Variants in SLC16A7 observed in about 807,000 individuals in gnomAD.
SLC16A7 encodes monocarboxylate transporter 2.
Under a neutral mutation model 34.9 loss-of-function variants are expected in SLC16A7, and 33 were observed. The observed-to-expected ratio is 0.94, with a 90% CI of 0.72 to 1.26. SLC16A7 has a LOEUF of 1.26. Ranked by LOEUF, SLC16A7 falls within the 50% of genes most tolerant of loss-of-function variation. The pLI is 0.00. For missense variants in SLC16A7, 573 were observed against 578.1 expected, an observed-to-expected ratio of 0.99 and a Z score of 0.09; for synonymous variants, 201 against 206.6, an observed-to-expected ratio of 0.97 and a Z score of 0.23.
At chr12:59,688,798 G>A (rs1164869075) in intron 2 of SLC16A7, among the ~76,000 whole-genome samples, 1 of 151,946 alleles carries the variant, frequency 6.6e-6, no homozygotes, top group East Asian at 1.9e-4. Context: ...CAGTTTCATT[G>A]TGTTTCCTTA....
At chr12:59,766,060 G>A (rs570009886) in intron 3 of SLC16A7, among the ~76,000 whole-genome samples, 10 of 152,260 alleles carry the variant, frequency 6.6e-5, no homozygotes, top group Non-Finnish European at 1.3e-4. Flanking sequence ...TCCCTTGTAA[G>A]TTGGATTCCT....
chr12:59,745,269 A>G (rs1333068620), intron 3 of SLC16A7, among the ~76,000 whole-genome samples: 5 of 152,210 alleles, frequency 3.3e-5, no homozygotes, highest in Non-Finnish European at 7.3e-5. Context: ...CTCGCATTTT[A>G]TTCACTCAAA....
chr12:59,751,276 G>A (rs1194726538), intron 3 of SLC16A7, among the ~76,000 whole-genome samples: 7 of 152,368 alleles, frequency 4.6e-5, no homozygotes, highest in South Asian at 2.1e-4. Context: ...GCAGCGCACC[G>A]TGTGCGAGCC....
rs1357729998 is a variant in SLC16A7 at position 59,761,214 on chromosome 12, T to C, written c.218-10005T>C. ...AGGATCATGCCTAGGTACATGAAAC[T>C]GTATTGTTAAATACTTGGTTGATAA... On this transcript the variant is annotated intron_variant, in intron 3 of 5. Transcript: ENST00000547379. 1.1e-5 allele frequency: 13 copies of C among 1,133,340 alleles called. 1 individual carries two copies. Among genetic ancestry groups the C allele is most frequent in the Non-Finnish European group, 1.5e-5 (13 of 849,370 alleles). The allele number at this position is 1,133,340 out of a possible 1,614,324, so 70.2% of individuals were successfully genotyped here. A position where few individuals can be genotyped will look rare whatever the true frequency, so the allele number is the denominator to read the frequency against.
chr12:59,757,093 C>T (rs1880447959), intron 3 of SLC16A7, among the ~76,000 whole-genome samples: 1 of 118,470 alleles, frequency 8.4e-6, no homozygotes, highest in Non-Finnish European at 1.6e-5. Flanking sequence ...ACATCACACT[C>T]TGGGGACTGT....
rs114431871 is a variant in SLC16A7, at chr12:59,729,361, T to G, written c.217+24343T>G. ...CATCTCCTTTTGACTTCATGCTTCA[T>G]GTAAATCTTCCGGGACAAAAGTAGA... is the stretch of plus-strand genomic sequence containing the variant. On this transcript the variant is annotated intron_variant, in intron 3 of 5. Transcript: ENST00000547379. 7.1e-3 allele frequency among the ~76,000 whole-genome samples: 1,088 copies of G among 152,364 alleles called. 18 individuals carry two copies. Among genetic ancestry groups the G allele is most frequent in the African/African-American group, 0.022 (903 of 41,588 alleles).
At position 59,712,906 on chromosome 12, in the gene SLC16A7, G is replaced by GGT. The variant is rs544382526; in HGVS notation, c.217+7889_217+7890dup. On this transcript the variant is annotated intron_variant, in intron 3 of 5. Coordinates refer to ENST00000547379, the MANE Select transcript of SLC16A7 (RefSeq NM_001270623.2). Reference sequence around the variant, plus strand: ...ACTAGGATATATGATAGATACATGTGGTTAAGTTCCCCAAAGGTCCTAGTG... The same window carrying GGT: ...ACTAGGATATATGATAGATACATGTGGTGTTAAGTTCCCCAAAGGTCCTAGTG... Among the ~76,000 whole-genome samples, 212 of 152,226 alleles carry GGT rather than the reference G, an allele frequency of 1.4e-3. 1 individual carries two copies. Among genetic ancestry groups the GGT allele is most frequent in the Middle Eastern group, 6.8e-3 (2 of 294 alleles).
At chr12:59,773,711 T>C (rs950784537) in intron 4 of SLC16A7, among the ~76,000 whole-genome samples, 1 of 152,056 alleles carries the variant, frequency 6.6e-6, no homozygotes, top group Non-Finnish European at 1.5e-5. Context: ...ATTACAGGCA[T>C]GTGCCACCAC....
chr12:59,711,853 A>G (rs566305512), intron 3 of SLC16A7, among the ~76,000 whole-genome samples: 46 of 152,298 alleles, frequency 3.0e-4, no homozygotes, highest in African/African-American at 1.1e-3. Flanking sequence ...GAACATAGAT[A>G]TGGAAGGTAC....
At chr12:59,727,682 G>A (rs2711681) in intron 3 of SLC16A7, among the ~76,000 whole-genome samples, 6,829 of 152,160 alleles carry the variant, frequency 0.045, 492 homozygotes, top group African/African-American at 0.16. Context: ...TGAAGTAATA[G>A]CATTTGCATA....
At chr12:59,729,047 G>T (rs1289754363) in intron 3 of SLC16A7, among the ~76,000 whole-genome samples, 1 of 152,064 alleles carries the variant, frequency 6.6e-6, no homozygotes, top group African/African-American at 2.4e-5. Context: ...TTCACTTCAG[G>T]TTATTAGTGG....
At chr12:59,650,350 A>G (rs958831969) in intron 1 of SLC16A7, among the ~76,000 whole-genome samples, 2 of 152,154 alleles carry the variant, frequency 1.3e-5, no homozygotes, top group Non-Finnish European at 1.5e-5. Context: ...TAGTCCAGAC[A>G]CCTATTTATG....
chr12:59,778,669 G>GT (rs1269819423), intron 5 of SLC16A7, among the ~76,000 whole-genome samples: 2 of 148,670 alleles, frequency 1.3e-5, no homozygotes, highest in South Asian at 2.2e-4. Flanking sequence ...AAGTGGAATA[G>GT]TTTTTTTACT....
intron 2 of SLC16A7, among the ~76,000 whole-genome samples, chr12:59,688,757 T>G (rs2137089078): frequency 6.6e-6 from 1 of 152,176 alleles, no homozygotes; most frequent in South Asian, 2.1e-4. Flanking sequence ...TAAAACAACG[T>G]AGGTAAGATC....
intron 2 of SLC16A7, among the ~76,000 whole-genome samples, chr12:59,667,681 G>C (rs1295322783): frequency 6.6e-6 from 1 of 152,204 alleles, no homozygotes; most frequent in Non-Finnish European, 1.5e-5. Flanking sequence ...TTTCTGGGGA[G>C]AAGTTCAAGC....
intron 3 of SLC16A7, among the ~76,000 whole-genome samples, chr12:59,714,754 G>A (rs1874694697): frequency 6.6e-6 from 1 of 152,026 alleles, no homozygotes; most frequent in Non-Finnish European, 1.5e-5. Context: ...TAGTAGATAT[G>A]GGGTTTCGCC....
At chr12:59,764,589 T>C (rs1431732755) in intron 3 of SLC16A7, among the ~76,000 whole-genome samples, 1 of 151,730 alleles carries the variant, frequency 6.6e-6, no homozygotes, top group Non-Finnish European at 1.5e-5. Flanking sequence ...GGTGTTTGGT[T>C]TTTTGTCCTT....
At position 59,778,237 on chromosome 12, in the gene SLC16A7, ACT is replaced by A. The variant is rs112090133; in HGVS notation, c.1181-1184_1181-1183del. Among the ~76,000 whole-genome samples the A allele has an allele frequency of 8.5e-3, 1,291 of 152,268 alleles. 13 individuals carry two copies. Among genetic ancestry groups the A allele is most frequent in the Middle Eastern group, 0.065 (19 of 294 alleles). On this transcript the variant is annotated intron_variant, in intron 5 of 5. Transcript: ENST00000547379. The stretch of plus-strand genomic sequence containing the variant: ...ATCATTGTAGAAATAGAAATATTTG[ACT>A]CAAGTTAAGAAGGCAAATTAAAATT...
At chr12:59,733,693 A>T (rs1348786027) in intron 3 of SLC16A7, 1 of 455,736 alleles carries the variant, frequency 2.2e-6, no homozygotes, top group Non-Finnish European at 4.4e-6. Context: ...TTATGTTACA[A>T]CTGTTTCAGT....
Sources: gnomAD v4.1 joint callset for allele counts (sites outside exome capture counted in the v4.1 genomes callset) on GRCh38, gnomAD v4.1.1 for gene constraint, MANE v1.5 for transcripts, NCBI Gene and HGNC (gene_info 2026-07-23, HGNC 2026-07-21) for gene names.